The following CADM2 variants were observed in gnomAD, a reference collection of about 807,000 sequenced individuals.
The protein encoded by CADM2 is immunoglobulin superfamily member 4D.
Under a neutral mutation model 49.8 loss-of-function variants are expected in CADM2, and 12 were observed. The ratio of observed to expected loss-of-function variants is 0.24; its 90% CI spans 0.15 to 0.39. The LOEUF is 0.39. CADM2 is among the 10% of genes least tolerant of loss of function. The probability of loss-of-function intolerance (pLI) is 1.00; values close to 1 mark genes in which losing one functional copy is unlikely to be tolerated. For missense variants in CADM2, 378 were observed against 492.3 expected, an observed-to-expected ratio of 0.77 and a Z score of 2.20; for synonymous variants, 214 against 175.4, an observed-to-expected ratio of 1.22 and a Z score of -1.74.
At chr3:86,052,728 TA>T (rs1462383934) in intron 8 of CADM2, among the ~76,000 whole-genome samples, 1 of 152,140 alleles carries the variant, frequency 6.6e-6, no homozygotes, top group Non-Finnish European at 1.5e-5. Flanking sequence ...GCATTTTGCA[TA>T]CTTATTTCTC....
intron 7 of CADM2, among the ~76,000 whole-genome samples, chr3:85,942,478 T>A (rs1577722974): frequency 9.4e-6 from 1 of 106,890 alleles, no homozygotes. Flanking sequence ...GTGCTATCCC[T>A]CCCCCCTCCC....
chr3:85,897,350 A>C (rs1190769821), intron 5 of CADM2, among the ~76,000 whole-genome samples: 1 of 133,894 alleles, frequency 7.5e-6, no homozygotes, highest in Non-Finnish European at 1.5e-5. Context: ...GCTCACTGCA[A>C]GCTCCGCTTC....
intron 1 of CADM2, among the ~76,000 whole-genome samples, chr3:85,055,212 A>G (rs2036035014): frequency 1.3e-5 from 2 of 151,964 alleles, no homozygotes; most frequent in African/African-American, 4.8e-5. Flanking sequence ...AGAAAGAACT[A>G]TGTAGTCTTA....
Position 85,769,529 on chromosome 3 carries a change from G to GTA in CADM2, c.89-32511_89-32510dup, listed in dbSNP as rs1194309601. Among the ~76,000 whole-genome samples, 9 of 94,362 alleles carry GTA rather than the reference G, an allele frequency of 9.5e-5. 2 individuals are homozygous for GTA. Among genetic ancestry groups the GTA allele is most frequent in the African/African-American group, 5.0e-4 (8 of 15,902 alleles). The allele number at this position is 94,362 out of a possible 152,430, so 61.9% of individuals were successfully genotyped here. ...TATATATACACGTATATACATATATGTATATATACACGTATATACATATAT... is the reference window on the plus strand; with the variant it reads ...TATATATACACGTATATACATATATGTATATATATACACGTATATACATATAT... On this transcript the variant is annotated intron_variant, in intron 2 of 9. Coordinates refer to ENST00000383699, the MANE Select transcript of CADM2 (RefSeq NM_001167675.2).
intron 3 of CADM2, among the ~76,000 whole-genome samples, chr3:85,838,087 T>C (rs2074482065): frequency 6.6e-6 from 1 of 151,830 alleles, no homozygotes; most frequent in African/African-American, 2.4e-5. Context: ...TCACTTCATC[T>C]ATACATACTC....
Position 85,211,830 on chromosome 3 carries a change from T to A in CADM2, c.61+252162T>A, listed in dbSNP as rs569002331. ...GTACAAGTTAAGTCTGATGTTTCTT[T>A]TTTTGATTTTCTGTCTGGATGATTT... On this transcript the variant is annotated intron_variant, in intron 1 of 9. Transcript: ENST00000383699. Among the ~76,000 whole-genome samples, 87 of 152,262 alleles carry A rather than the reference T, an allele frequency of 5.7e-4. No individual in the cohort carries two copies. In the East Asian group the frequency reaches 0.014, roughly 25 times the overall value.
At chr3:85,405,674 GAGCA>G (rs2035337177) in intron 1 of CADM2, among the ~76,000 whole-genome samples, 1 of 151,882 alleles carries the variant, frequency 6.6e-6, no homozygotes, top group Non-Finnish European at 1.5e-5. Flanking sequence ...CCTTGATTCC[GAGCA>G]AGGATTTCTT....
intron 1 of CADM2, among the ~76,000 whole-genome samples, chr3:85,042,170 G>C (rs1288373886): frequency 1.3e-5 from 2 of 152,118 alleles, no homozygotes; most frequent in African/African-American, 4.8e-5. Flanking sequence ...TCAGGGGTGT[G>C]TTGCTTACAA....
chr3:85,441,807 C>G (rs2037214867), intron 1 of CADM2, among the ~76,000 whole-genome samples: 1 of 151,832 alleles, frequency 6.6e-6, no homozygotes, highest in African/African-American at 2.4e-5. Context: ...GAGAGAAATA[C>G]ATGAAGAATC....
intron 1 of CADM2, among the ~76,000 whole-genome samples, chr3:85,422,087 G>A (rs748497681): frequency 6.6e-6 from 1 of 152,114 alleles, no homozygotes; most frequent in Non-Finnish European, 1.5e-5. Flanking sequence ...TTAATTAAAA[G>A]GGTTATCTAA....
intron 1 of CADM2, among the ~76,000 whole-genome samples, chr3:85,319,531 A>C (rs1484926173): frequency 6.6e-6 from 1 of 152,246 alleles, no homozygotes; most frequent in Non-Finnish European, 1.5e-5. Context: ...TAGCAAACAC[A>C]GGGAATCAAC....
chr3:85,036,136 A>G (rs1462996951), intron 1 of CADM2, among the ~76,000 whole-genome samples: 2 of 152,040 alleles, frequency 1.3e-5, no homozygotes, highest in East Asian at 3.9e-4. Context: ...TTTCTTACCT[A>G]TGCTTGGTTT....
chr3:85,649,140 C>T (rs1402233496), intron 1 of CADM2, among the ~76,000 whole-genome samples: 2 of 152,000 alleles, frequency 1.3e-5, no homozygotes, highest in African/African-American at 2.4e-5. Context: ...ATGATGAATA[C>T]TTTGCAAAAA....
chr3:86,028,784 C>G (rs186226496), intron 8 of CADM2, among the ~76,000 whole-genome samples: 1 of 152,286 alleles, frequency 6.6e-6, no homozygotes, highest in Non-Finnish European at 1.5e-5. Flanking sequence ...ACATAACTTT[C>G]TTAATCCTCA....
chr3:85,980,312 A>G (rs1163982660), intron 8 of CADM2, among the ~76,000 whole-genome samples: 1 of 151,432 alleles, frequency 6.6e-6, no homozygotes, highest in Non-Finnish European at 1.5e-5. Flanking sequence ...GTTCAGTTAG[A>G]TGGTTTTCTT....
intron 1 of CADM2, among the ~76,000 whole-genome samples, chr3:85,589,762 A>G (rs1346773014): frequency 6.6e-6 from 1 of 152,068 alleles, no homozygotes; most frequent in Non-Finnish European, 1.5e-5. Flanking sequence ...CAATTTCCTG[A>G]TCAAATTACA....
chr3:86,035,606 C>T (rs775695465), intron 8 of CADM2, among the ~76,000 whole-genome samples: 2 of 152,074 alleles, frequency 1.3e-5, no homozygotes, highest in Non-Finnish European at 2.9e-5. Flanking sequence ...CTGGTGGCAT[C>T]TCATTAAGGT....
chr3:85,851,606 G>A (rs960516996), intron 3 of CADM2, among the ~76,000 whole-genome samples: 1 of 149,138 alleles, frequency 6.7e-6, no homozygotes, highest in Non-Finnish European at 1.5e-5. Context: ...TAAATTTACT[G>A]AAATCAGTTT....
At chr3:85,510,535 T>G (rs1576684995) in intron 1 of CADM2, among the ~76,000 whole-genome samples, 1 of 152,046 alleles carries the variant, frequency 6.6e-6, no homozygotes, top group African/African-American at 2.4e-5. Context: ...CACAAAACAC[T>G]TTTGCTTTTT....
Sources: gnomAD v4.1 joint callset for allele counts (sites outside exome capture counted in the v4.1 genomes callset) on GRCh38, gnomAD v4.1.1 for gene constraint, MANE v1.5 for transcripts, NCBI Gene and HGNC (gene_info 2026-07-23, HGNC 2026-07-21) for gene names.